Variants in SUCO observed in about 807,000 individuals in gnomAD.
SUCO encodes SUN domain-containing ossification factor.
A neutral mutation model predicts 148.1 loss-of-function variants in SUCO; 57 were observed. That is an observed-to-expected ratio of 0.38 (90% CI 0.31 to 0.48). The LOEUF is 0.48. Among genes scored for constraint, SUCO ranks in the 20% least tolerant of loss-of-function variants. SUCO has a pLI of 0.96. For missense variants in SUCO, 1,331 were observed against 1,468.2 expected, an observed-to-expected ratio of 0.91 and a Z score of 1.53; for synonymous variants, 470 against 502.7, an observed-to-expected ratio of 0.93 and a Z score of 0.87.
chr1:172,574,057 A>G, intron 10 of SUCO, 59 bp downstream of exon 10: 2 of 995,948 alleles, frequency 2.0e-6, no homozygotes, highest in Non-Finnish European at 3.0e-6. Context: ...AAAGAAAAAC[A>G]AAAAAACAAA....
chr1:172,557,602 A>G (rs1653844264), intron 5 of SUCO, 42 bp from the exon 6 acceptor site: 1 of 1,523,250 alleles, frequency 6.6e-7, no homozygotes, highest in Non-Finnish European at 8.8e-7. Flanking sequence ...TTTGTTATCC[A>G]GTAAAATCTG....
intron 15 of SUCO, among the ~76,000 whole-genome samples, chr1:172,581,708 T>TA (rs1655897593): frequency 6.6e-6 from 1 of 152,180 alleles, no homozygotes; most frequent in Admixed American, 6.5e-5. Flanking sequence ...ATTTTGAAAC[T>TA]AGTTTTTTTT....
rs1408345010 is a variant in SUCO at position 172,589,214 on chromosome 1, A to G, written c.2113A>G (p.Ser705Gly). Residue 705 changes from serine (S) to glycine (G), a missense_variant, in exon 18 of 24, where the codon AGT (serine) becomes GGT (glycine). Physicochemically the swap from Ser to Gly is moderately conservative, Grantham distance 56. Coordinates refer to ENST00000263688, the MANE Select transcript of SUCO (RefSeq NM_014283.5). ...ETVVLGDLSSSMHQDDLVNHT... is the reference protein window; with the variant it reads ...ETVVLGDLSSGMHQDDLVNHT... ...TGTTGTTCTGGGTGATTTAAGTAGT[A>G]GTATGCACCAGGATGACTTGGTGAA... 6.2e-7 allele frequency: 1 copy of G among 1,613,912 alleles called. No homozygotes were observed. The highest frequency in any genetic ancestry group is 8.5e-7 in the Non-Finnish European group (1 of 1,179,934).
chr1:172,603,231 A>T (rs934240950), intron 22 of SUCO: 1 of 156,394 alleles, frequency 6.4e-6, no homozygotes, highest in Non-Finnish European at 1.4e-5. Context: ...TAGCTCCAGA[A>T]CCTATAATTA....
intron 1 of SUCO, chr1:172,542,991 A>G (rs750871503): frequency 2.8e-5 from 28 of 985,248 alleles, no homozygotes; most frequent in East Asian, 2.3e-4. Flanking sequence ...GCTGGTAGGC[A>G]TGAATTCCAC....
chr1:172,549,006 G>T (rs142398617), intron 1 of SUCO, among the ~76,000 whole-genome samples: 1 of 151,768 alleles, frequency 6.6e-6, no homozygotes, highest in Non-Finnish European at 1.5e-5. Flanking sequence ...ACATTGTTAG[G>T]TGCATATATA....
In SUCO at chr1:172,610,078, CAAA is replaced by C. The variant is rs754382160; in HGVS notation, c.3587_3589del (p.Lys1196del). 1.9e-6 allele frequency: 3 copies of C among 1,613,736 alleles called. No individual in the cohort carries two copies. In the South Asian group the frequency reaches 3.3e-5, roughly 18 times the overall value. On this transcript the variant is annotated inframe_deletion, in exon 24 of 24. Transcript: ENST00000263688. ...CTGTGCAATGGACAGTCTCAAAAGA[CAAA>C]AACTGAGAAGAGGGCTTTAAAACGA...
At chr1:172,532,773 C>T (rs1234258548), upstream of SUCO, 6 of 1,612,300 alleles carry the variant, frequency 3.7e-6, no homozygotes, top group African/African-American at 6.7e-5. Context: ...GGCCCTTGCG[C>T]GGACTCAGCG....
chr1:172,599,366 C>G (rs2149268640), intron 19 of SUCO: 1 of 593,636 alleles, frequency 1.7e-6, no homozygotes, highest in Non-Finnish European at 2.1e-6. Context: ...GTTAAAGTCT[C>G]CCTAATACAG....
intron 1 of SUCO, among the ~76,000 whole-genome samples, chr1:172,538,941 C>T (rs145972419): frequency 3.9e-5 from 6 of 152,192 alleles, no homozygotes; most frequent in South Asian, 2.1e-4. Context: ...CAATAAAAGA[C>T]GGCAAATGAC....
At chr1:172,554,628 T>G (rs1653587419) in intron 3 of SUCO, among the ~76,000 whole-genome samples, 1 of 151,536 alleles carries the variant, frequency 6.6e-6, no homozygotes, top group South Asian at 2.1e-4. Context: ...TCTCAGCTAC[T>G]CAGGAGGCTG....
chr1:172,580,697 C>G (rs1271863254), intron 15 of SUCO, among the ~76,000 whole-genome samples: 2 of 152,126 alleles, frequency 1.3e-5, no homozygotes, highest in Non-Finnish European at 2.9e-5. Flanking sequence ...AAAAAGAGGA[C>G]ACCTTAAGGA....
intron 8 of SUCO, chr1:172,570,445 T>C (rs1654875116): frequency 2.0e-6 from 1 of 505,860 alleles, no homozygotes; most frequent in Non-Finnish European, 3.5e-6. Flanking sequence ...GTAACAGGCA[T>C]TGAATTTTAA....
In SUCO at chr1:172,610,334, T is replaced by C. The variant is rs1658140219; in HGVS notation, c.*75T>C. On this transcript the variant is annotated 3_prime_UTR_variant, in exon 24 of 24. Transcript: ENST00000263688. Reference sequence around the variant, plus strand: ...AGAACAGTCTGTAGTATTTGAAGGGTTTGGGGGAGGGAGAAAATATTAATG... The same window carrying C: ...AGAACAGTCTGTAGTATTTGAAGGGCTTGGGGGAGGGAGAAAATATTAATG... 1 of 1,474,034 alleles carries C rather than the reference T, an allele frequency of 6.8e-7. No homozygotes were observed. The highest frequency in any genetic ancestry group is 2.4e-5 in the East Asian group (1 of 41,392). 91.3% of individuals were successfully genotyped at this position (1,474,034 alleles called of 1,614,324 possible). A position where few individuals can be genotyped will look rare whatever the true frequency, so the allele number is the denominator to read the frequency against.
At chr1:172,603,027 C>T (rs1657634762) in intron 22 of SUCO, 2 of 431,068 alleles carry the variant, frequency 4.6e-6, no homozygotes, top group Non-Finnish European at 8.3e-6. Flanking sequence ...GCTTTGTTTG[C>T]ACATGCTCCT....
intron 13 of SUCO, 43 bp downstream of exon 13, chr1:172,577,862 T>A: frequency 6.8e-7 from 1 of 1,476,844 alleles, no homozygotes; most frequent in Non-Finnish European, 9.3e-7. Flanking sequence ...TTAAAAAAAT[T>A]GATATACAAA....
At chr1:172,544,948 C>G (rs1652753317) in intron 1 of SUCO, among the ~76,000 whole-genome samples, 1 of 152,034 alleles carries the variant, frequency 6.6e-6, no homozygotes, top group Non-Finnish European at 1.5e-5. Context: ...GGAGGTTGCT[C>G]TAGGTAAGAG....
chr1:172,569,805 A>G (rs1654816351), intron 7 of SUCO, among the ~76,000 whole-genome samples: 3 of 152,182 alleles, frequency 2.0e-5, no homozygotes, highest in African/African-American at 4.8e-5. Context: ...TTTGTGAGTT[A>G]TGTTACTTAG....
At chr1:172,600,017 ATAGT>A in intron 19 of SUCO, 43 bp from the exon 20 acceptor site, 1 of 1,250,442 alleles carries the variant, frequency 8.0e-7, no homozygotes, top group Middle Eastern at 1.9e-4. Context: ...TATAATGTTA[ATAGT>A]TTGTAGTTAA....
Sources: gnomAD v4.1 joint callset for allele counts (sites outside exome capture counted in the v4.1 genomes callset) on GRCh38, gnomAD v4.1.1 for gene constraint, MANE v1.5 for transcripts, NCBI Gene and HGNC (gene_info 2026-07-23, HGNC 2026-07-21) for gene names.